ZNF273: variants seen among roughly 807,000 people sequenced by gnomAD.
The protein encoded by ZNF273 is zinc finger protein 273.
Under a neutral mutation model 14.9 loss-of-function variants are expected in ZNF273, and 11 were observed. The ratio of observed to expected loss-of-function variants is 0.74; its 90% CI spans 0.46 to 1.22. The LOEUF (loss-of-function observed/expected upper bound fraction) is 1.22, where lower values mean the gene tolerates loss of function less well. Among genes scored for constraint, ZNF273 ranks in the 50% most tolerant of loss-of-function variants. ZNF273 has a pLI of 0.00. For missense variants in ZNF273, 577 were observed against 660.6 expected, an observed-to-expected ratio of 0.87 and a Z score of 1.39; for synonymous variants, 199 against 223.9, an observed-to-expected ratio of 0.89 and a Z score of 0.99.
At chr7:64,937,193 T>C in the ZNF273 span, among the ~76,000 whole-genome samples, 4 of 152,244 alleles carry the variant, frequency 2.6e-5, no homozygotes, top group Non-Finnish European at 5.9e-5. Context: ...ACTTATACTT[T>C]TCTTTCAGTG....
upstream of ZNF273, among the ~76,000 whole-genome samples, chr7:64,900,476 A>G (rs1177529042): frequency 1.3e-5 from 2 of 152,208 alleles, no homozygotes; most frequent in African/African-American, 4.8e-5. Flanking sequence ...TTTTAACCAA[A>G]AGCAGCCTGA....
In ZNF273 at chr7:64,912,846, T is replaced by TTTTTTTTTTTTTTTTTTTTTTTTTTTTTG. The variant is rs1562959220; in HGVS notation, c.103-4735_103-4734insTTTTTTTTTTTTTTTTTTTTTTTTTTTTG. Among the ~76,000 whole-genome samples the TTTTTTTTTTTTTTTTTTTTTTTTTTTTTG allele has an allele frequency of 3.0e-4, 29 of 98,270 alleles. 8 individuals carry two copies. Among genetic ancestry groups the TTTTTTTTTTTTTTTTTTTTTTTTTTTTTG allele is most frequent in the Non-Finnish European group, 5.4e-4 (21 of 39,252 alleles). The allele number at this position is 98,270 out of a possible 152,430, so 64.5% of individuals were successfully genotyped here. On this transcript the variant is annotated intron_variant, in intron 1 of 3. Transcript: ENST00000476120. Reference sequence around the variant, plus strand: ...TTTTAGTTTTTTTTTTTTTTTTTTTTGAGATTGAGTTTCGCTCTGTCATCC... The same window carrying TTTTTTTTTTTTTTTTTTTTTTTTTTTTTG: ...TTTTAGTTTTTTTTTTTTTTTTTTTTTTTTTTTTTTTTTTTTTTTTTTTTTTTTGGAGATTGAGTTTCGCTCTGTCATCC...
At chr7:64,905,886 T>G (rs1029394359) in intron 1 of ZNF273, among the ~76,000 whole-genome samples, 2 of 152,230 alleles carry the variant, frequency 1.3e-5, no homozygotes, top group African/African-American at 4.8e-5. Context: ...TAAGTTGCAT[T>G]TTATTAGTAA....
chr7:64,886,105 G>A (rs1488172048), intron 1 of ZNF273, among the ~76,000 whole-genome samples: 1 of 152,200 alleles, frequency 6.6e-6, no homozygotes, highest in Non-Finnish European at 1.5e-5. Flanking sequence ...TTCCACCTCT[G>A]CAAGGCAGCT....
chr7:64,916,555 A>C (rs1230204061), intron 1 of ZNF273, among the ~76,000 whole-genome samples: 2 of 151,386 alleles, frequency 1.3e-5, no homozygotes, highest in Non-Finnish European at 3.0e-5. Context: ...AAAAAAAAAA[A>C]AAAAAAAAAA....
At chr7:64,894,227 A>G (rs2129046666), downstream of ZNF273, among the ~76,000 whole-genome samples, 1 of 152,260 alleles carries the variant, frequency 6.6e-6, no homozygotes, top group East Asian at 1.9e-4. Flanking sequence ...CTGGTCTCAC[A>G]CTTCTGACCT....
chr7:64,919,606 C>T (rs1232094368), intron 3 of ZNF273, among the ~76,000 whole-genome samples: 1 of 152,162 alleles, frequency 6.6e-6, no homozygotes, highest in Non-Finnish European at 1.5e-5. Flanking sequence ...GCATTTCATC[C>T]TGGGCAACAG....
rs1293431265 is a variant in ZNF273 at position 64,927,913 on chromosome 7, A to G, written c.585A>G (p.Ile195Met). 1.2e-6 allele frequency: 2 copies of G among 1,613,414 alleles called. No homozygotes were observed. The highest frequency in any genetic ancestry group is 2.2e-5 in the East Asian group (1 of 44,834). The change falls in exon 4 of 4, where the codon ATA (isoleucine) becomes ATG (methionine). Residue 195 changes from isoleucine (I) to methionine (M), a missense_variant. By Grantham distance (10) the Ile-to-Met change is conservative. This residue lies in a region of ZNF273 where 411 missense variants were observed against 440.4 expected (regional missense o/e 0.93). Transcript: ENST00000476120. ...KVLHKFSNSN[I>M]HKKRQTGKKP... ...TTCATAAATTCTCAAATTCAAATAT[A>G]CATAAGAAAAGACAAACTGGAAAGA...
exon 2 of ZNF273, chr7:64,888,822 AAAG>A (rs1159133144): frequency 1.0e-6 from 1 of 985,756 alleles, no homozygotes; most frequent in East Asian, 1.1e-4. Context: ...CACTTTCTGG[AAAG>A]AAGAAACCGT....
intron 1 of ZNF273, among the ~76,000 whole-genome samples, chr7:64,912,832 T>TGTTGTTGTTTTTTTTG (rs1554386326): frequency 1.6e-5 from 1 of 61,196 alleles, no homozygotes; most frequent in Non-Finnish European, 3.3e-5. Context: ...TTTAGTTTTT[T>TGTTGTTGTTTTTTTTG]TTTTTTTTTT....
intron 3 of ZNF273, among the ~76,000 whole-genome samples, chr7:64,926,317 G>A (rs1332490276): frequency 1.3e-5 from 2 of 151,890 alleles, no homozygotes; most frequent in Admixed American, 1.3e-4. Context: ...TGTTGAAATC[G>A]TGCTTATATA....
At chr7:64,890,266 G>C (rs1309107446), downstream of ZNF273, among the ~76,000 whole-genome samples, 6 of 146,204 alleles carry the variant, frequency 4.1e-5, no homozygotes, top group Admixed American at 4.2e-4. Flanking sequence ...ACATCTGCGT[G>C]TCTCAGTAGA....
At chr7:64,889,467 G>A (rs569698998), downstream of ZNF273, 23 of 985,918 alleles carry the variant, frequency 2.3e-5, no homozygotes, top group Middle Eastern at 2.6e-3. The surrounding 1 kb of genome is among the most constrained non-coding windows in gnomAD (Gnocchi z 4.2). Context: ...CTGGGGCTGC[G>A]TCCCCGCGGG....
At chr7:64,884,930 C>T (rs67268573) in intron 1 of ZNF273, among the ~76,000 whole-genome samples, 63,401 of 152,142 alleles carry the variant, frequency 0.42, 13,430 homozygotes, top group South Asian at 0.45. Flanking sequence ...CTCTGCCTTC[C>T]CATTTTCCTC....
upstream of ZNF273, among the ~76,000 whole-genome samples, chr7:64,902,876 A>C (rs950359817): frequency 5.3e-5 from 8 of 152,186 alleles, no homozygotes; most frequent in Non-Finnish European, 8.8e-5. Flanking sequence ...CAGAGGGGTG[A>C]CTTTGAATAG....
At chr7:64,893,800 A>T (rs1043812420), downstream of ZNF273, 1 of 152,428 alleles carries the variant, frequency 6.6e-6, no homozygotes, top group Non-Finnish European at 1.5e-5. Flanking sequence ...ATTCTGGTCC[A>T]CTGGATCCCA....
downstream of ZNF273, among the ~76,000 whole-genome samples, chr7:64,932,649 C>T (rs1382058963): frequency 2.6e-5 from 4 of 152,034 alleles, no homozygotes; most frequent in African/African-American, 7.2e-5. Flanking sequence ...TGACTCGGCA[C>T]GGTGGCTCAT....
intron 3 of ZNF273, chr7:64,923,265 A>G (rs1794594709): frequency 4.5e-6 from 2 of 443,882 alleles, no homozygotes; most frequent in African/African-American, 4.1e-5. Context: ...TATAGTTGTT[A>G]GAATATCTTC....
upstream of ZNF273, among the ~76,000 whole-genome samples, chr7:64,900,118 C>CTT (rs373187103): frequency 8.3e-5 from 12 of 143,828 alleles, no homozygotes; most frequent in South Asian, 8.9e-4. Context: ...TTTTCTCTCT[C>CTT]TTTTTTTTTT....
Sources: gnomAD v4.1 joint callset for allele counts (sites outside exome capture counted in the v4.1 genomes callset) on GRCh38, gnomAD v4.1.1 for gene constraint, gnomAD v4.1.1 regional missense constraint, Gnocchi (gnomAD v3.1) non-coding constraint, MANE v1.5 for transcripts, NCBI Gene and HGNC (gene_info 2026-07-23, HGNC 2026-07-21) for gene names.